RRH: variants seen among roughly 807,000 people sequenced by gnomAD.
RRH encodes visual pigment-like receptor peropsin.
In RRH, 36 loss-of-function variants were observed where a neutral mutation model predicts 33.1. That is an observed-to-expected ratio of 1.09 (90% CI 0.83 to 1.44). The LOEUF (loss-of-function observed/expected upper bound fraction) is 1.44, where lower values mean the gene tolerates loss of function less well. Among genes scored for constraint, RRH ranks in the 40% most tolerant of loss-of-function variants. RRH has a pLI of 0.00. For synonymous variants in RRH, 124 were observed against 140.2 expected (o/e 0.88, Z 0.82); for missense variants, 393 against 420.2 (o/e 0.94, Z 0.57).
In RRH at chr4:109,833,028, A is replaced by G. The variant is rs1733791251; in HGVS notation, c.107-111A>G. 8.2e-6 allele frequency: 7 copies of G among 853,836 alleles called. No homozygotes were observed. The South Asian group carries it at 8.7e-5, about 11-fold the overall frequency. The allele number at this position is 853,836 out of a possible 1,614,324, so 52.9% of individuals were successfully genotyped here. A position where few individuals can be genotyped will look rare whatever the true frequency, so the allele number is the denominator to read the frequency against. On this transcript the variant is annotated intron_variant, in intron 1 of 6. Coordinates refer to ENST00000317735, the MANE Select transcript of RRH (RefSeq NM_006583.5). The stretch of plus-strand genomic sequence containing the variant: ...ACAGCAGGAGCTCTTCAAATAAATG[A>G]ACTAAAATAGATCTGTTATGTTTTT...
chr4:109,841,995 G>T (rs1258678339), intron 5 of RRH, among the ~76,000 whole-genome samples: 2 of 152,168 alleles, frequency 1.3e-5, no homozygotes, highest in Non-Finnish European at 2.9e-5. Flanking sequence ...TTTGTTTCCA[G>T]ATTGAGTTTA....
intron 1 of RRH, among the ~76,000 whole-genome samples, chr4:109,829,207 C>T (rs1254544539): frequency 1.3e-5 from 2 of 152,054 alleles, no homozygotes; most frequent in Non-Finnish European, 2.9e-5. Flanking sequence ...TATAATTCAG[C>T]GTATTACTTC....
chr4:109,842,268 A>C (rs887750916), intron 5 of RRH, among the ~76,000 whole-genome samples: 2 of 152,186 alleles, frequency 1.3e-5, no homozygotes, highest in African/African-American at 4.8e-5. Context: ...CCCATTTCAC[A>C]AGGTCTTATT....
chr4:109,840,003 C>T (rs539777238), intron 5 of RRH, among the ~76,000 whole-genome samples: 37 of 152,252 alleles, frequency 2.4e-4, no homozygotes, highest in African/African-American at 8.2e-4. Context: ...ATTGGTGGGA[C>T]AAATGGTATT....
intron 2 of RRH, among the ~76,000 whole-genome samples, chr4:109,834,576 C>T (rs1733839829): frequency 6.6e-6 from 1 of 151,168 alleles, no homozygotes; most frequent in African/African-American, 2.4e-5. Flanking sequence ...ATCTCCTGAC[C>T]TCATGATCCT....
chr4:109,838,912 G>A (rs1733937126), intron 5 of RRH, among the ~76,000 whole-genome samples: 1 of 152,084 alleles, frequency 6.6e-6, no homozygotes, highest in Non-Finnish European at 1.5e-5. Context: ...TCAGTGTGGA[G>A]ACTCCAGTCT....
At position 109,844,211 on chromosome 4, in the gene RRH, G is replaced by A. The variant is rs758711697; in HGVS notation, c.*14G>A. ...GGAAGAATCTGAAATAAGATAAAAG[G>A]ACACACTATCAAAACACTTTAGTTT... is the stretch of plus-strand genomic sequence containing the variant. On this transcript the variant is annotated 3_prime_UTR_variant, in exon 7 of 7. Coordinates refer to ENST00000317735, the MANE Select transcript of RRH (RefSeq NM_006583.5). 2 of 1,527,170 alleles carry A rather than the reference G, an allele frequency of 1.3e-6. No individual in the cohort carries two copies. The highest frequency in any genetic ancestry group is 1.8e-6 in the Non-Finnish European group (2 of 1,101,248). 94.6% of individuals were successfully genotyped at this position (1,527,170 alleles called of 1,614,324 possible).
chr4:109,838,045 G>T (rs1202195957), intron 5 of RRH, among the ~76,000 whole-genome samples: 2 of 152,206 alleles, frequency 1.3e-5, no homozygotes, highest in African/African-American at 4.8e-5. Flanking sequence ...CTCCCAAAAT[G>T]CTGGGATTAC....
chr4:109,829,631 A>G (rs1445486589), intron 1 of RRH, among the ~76,000 whole-genome samples: 1 of 152,160 alleles, frequency 6.6e-6, no homozygotes, highest in African/African-American at 2.4e-5. Context: ...ATTCATCCTT[A>G]CACTAATTTA....
chr4:109,833,288 G>A lies in RRH; in HGVS notation c.256G>A (p.Asp86Asn). 6.2e-7 allele frequency: 1 copy of A among 1,614,074 alleles called. No homozygotes were observed. Among genetic ancestry groups the A allele is most frequent in the Non-Finnish European group, 8.5e-7 (1 of 1,179,974 alleles). ...SIGYPMSAAS[D>N]LYGSWKFGYA... ...TGGCTATCCCATGTCTGCTGCCTCA[G>A]ATCTGTATGGAAGTTGGAAATTTGG... Residue 86 changes from aspartate (D) to asparagine (N), a missense_variant, in exon 2 of 7, where the codon GAT becomes AAT. By Grantham distance (23) the Asp-to-Asn change is conservative. Coordinates refer to ENST00000317735, the MANE Select transcript of RRH (RefSeq NM_006583.5).
intron 1 of RRH, among the ~76,000 whole-genome samples, chr4:109,829,737 A>G (rs770662269): frequency 2.0e-5 from 3 of 152,168 alleles, no homozygotes; most frequent in Non-Finnish European, 2.9e-5. Context: ...CTACACCAGG[A>G]TTTGAACCCA....
intron 5 of RRH, among the ~76,000 whole-genome samples, chr4:109,841,965 G>A (rs1218290615): frequency 6.6e-6 from 1 of 152,158 alleles, no homozygotes; most frequent in African/African-American, 2.4e-5. Flanking sequence ...AGAATTCACT[G>A]AGCTCAAGAT....
At chr4:109,832,596 A>G (rs1316953348) in intron 1 of RRH, among the ~76,000 whole-genome samples, 1 of 151,522 alleles carries the variant, frequency 6.6e-6, no homozygotes, top group African/African-American at 2.4e-5. Context: ...ATGAGCTTAC[A>G]TATGGTAGAT....
chr4:109,833,633 T>TA (rs957840466), intron 2 of RRH, among the ~76,000 whole-genome samples: 7 of 151,946 alleles, frequency 4.6e-5, no homozygotes, highest in Non-Finnish European at 7.4e-5. Context: ...TATTGCAAAT[T>TA]AAAAAAAATA....
At chr4:109,840,511 C>G (rs1733965345) in intron 5 of RRH, among the ~76,000 whole-genome samples, 1 of 152,120 alleles carries the variant, frequency 6.6e-6, no homozygotes, top group Non-Finnish European at 1.5e-5. Context: ...GTTGCAATTG[C>G]TTTTGGCATC....
intron 5 of RRH, among the ~76,000 whole-genome samples, chr4:109,840,741 GT>G (rs78870910): frequency 0.013 from 1,778 of 134,320 alleles, 23 homozygotes; most frequent in African/African-American, 0.038. Context: ...TTCTTGCACT[GT>G]TTTTTTTTTT....
intron 1 of RRH, among the ~76,000 whole-genome samples, chr4:109,829,976 G>A (rs1482258772): frequency 6.0e-5 from 9 of 149,060 alleles, no homozygotes; most frequent in Admixed American, 6.0e-4. Context: ...CCAAAACTAT[G>A]AGGAAAGGGT....
intron 6 of RRH, 122 bp downstream of exon 6, chr4:109,842,769 T>A: frequency 2.3e-6 from 2 of 868,310 alleles, no homozygotes; most frequent in Non-Finnish European, 3.8e-6. Context: ...ATTTGCCTCA[T>A]GTGACTGGAG....
In RRH at chr4:109,842,570, C is replaced by A; in HGVS notation, c.822C>A (p.Pro274=). ...SFGDPKKIPP[P]MAIIAPLFAK... ...GTGACCCAAAGAAGATTCCTCCCCC[C>A]ATGGCCATCATAGCTCCACTGTTTG... is the stretch of plus-strand genomic sequence containing the variant. The change falls in exon 6 of 7, where the codon CCC becomes CCA. Residue 274 remains proline, a synonymous_variant. Transcript: ENST00000317735. 1.9e-6 allele frequency: 3 copies of A among 1,614,064 alleles called. No individual in the cohort carries two copies. The highest frequency in any genetic ancestry group is 2.5e-6 in the Non-Finnish European group (3 of 1,179,914).
Sources: gnomAD v4.1 joint callset for allele counts (sites outside exome capture counted in the v4.1 genomes callset) on GRCh38, gnomAD v4.1.1 for gene constraint, MANE v1.5 for transcripts, NCBI Gene and HGNC (gene_info 2026-07-23, HGNC 2026-07-21) for gene names.